KITLG: variants seen among roughly 807,000 people sequenced by gnomAD.
The protein encoded by KITLG is c-Kit ligand.
A neutral mutation model predicts 34.1 loss-of-function variants in KITLG; 13 were observed. The observed-to-expected ratio is 0.38, with a 90% CI of 0.25 to 0.61. The LOEUF is 0.61. Among genes scored for constraint, KITLG ranks in the 20% least tolerant of loss-of-function variants. KITLG has a pLI of 0.60. For synonymous variants in KITLG, 110 were observed against 104.0 expected (o/e 1.06, Z -0.35); for missense variants, 292 against 318.9 (o/e 0.92, Z 0.64).
In KITLG at chr12:88,515,570, C is replaced by A; in HGVS notation, c.568G>T (p.Ala190Ser). Residue 190 changes from alanine (A) to serine (S), a missense_variant, in exon 6 of 10, where the codon GCC becomes TCC. By Grantham distance (99) the Ala-to-Ser change is moderately conservative. Around this residue, in one of 2 missense-constraint regions of KITLG, gnomAD observed 140 missense variants for 111.0 expected, o/e 1.26. Coordinates refer to ENST00000644744, the MANE Select transcript of KITLG (RefSeq NM_000899.5). The stretch of plus-strand genomic sequence containing the variant: ...CTGCTGTCATTCCTAAGGGAGCTGG[C>A]TGCAACAGGGGGTAACATAAATGGT... ...TKPFMLPPVA[A>S]SSLRNDSSSS... 6.2e-7 allele frequency: 1 copy of A among 1,611,112 alleles called. No homozygotes were observed. The highest frequency in any genetic ancestry group is 1.1e-5 in the South Asian group (1 of 91,038).
chr12:88,499,569 T>C (rs1320091018), intron 9 of KITLG, among the ~76,000 whole-genome samples: 1 of 152,196 alleles, frequency 6.6e-6, no homozygotes, highest in Non-Finnish European at 1.5e-5. Context: ...AATCATTCTT[T>C]CCAGGCCTGA....
Position 88,497,004 on chromosome 12 carries a change from T to A in KITLG, c.*215A>T, listed in dbSNP as rs1165958904. 3 of 298,586 alleles carry A rather than the reference T, an allele frequency of 1.0e-5. No homozygotes were observed. The highest frequency in any genetic ancestry group is 2.0e-5 in the Non-Finnish European group (3 of 149,084). 18.5% of individuals were successfully genotyped at this position (298,586 alleles called of 1,614,324 possible). On this transcript the variant is annotated 3_prime_UTR_variant, in exon 10 of 10. Transcript: ENST00000644744. ...AGTCCTGCTCCATGCAAGTTCTTCTTTATAGATGATTAATTCAGTGCCAGT... is the reference window on the plus strand; with the variant it reads ...AGTCCTGCTCCATGCAAGTTCTTCTATATAGATGATTAATTCAGTGCCAGT...
At chr12:88,538,310 T>A (rs1870402485) in intron 2 of KITLG, among the ~76,000 whole-genome samples, 1 of 151,918 alleles carries the variant, frequency 6.6e-6, no homozygotes, top group Non-Finnish European at 1.5e-5. Context: ...TGGTAGGTAG[T>A]AAGGTACAGT....
chr12:88,506,436 A>G, intron 7 of KITLG, 58 bp from the exon 8 acceptor site: 1 of 1,237,274 alleles, frequency 8.1e-7, no homozygotes, highest in Non-Finnish European at 1.2e-6. Flanking sequence ...CTAATATTTA[A>G]GAGGTAAGTG....
intron 1 of KITLG, among the ~76,000 whole-genome samples, chr12:88,573,674 G>A (rs770701061): frequency 1.2e-4 from 18 of 152,062 alleles, no homozygotes; most frequent in Non-Finnish European, 1.9e-4. Flanking sequence ...ACACAGTATG[G>A]GCATACAAGA....
intron 3 of KITLG, among the ~76,000 whole-genome samples, chr12:88,521,477 T>C (rs1825834179): frequency 6.6e-6 from 1 of 152,130 alleles, no homozygotes; most frequent in African/African-American, 2.4e-5. Context: ...GTACTTTTTG[T>C]TTGCCTTAAT....
At chr12:88,573,585 C>T (rs1210352861) in intron 1 of KITLG, among the ~76,000 whole-genome samples, 1 of 152,060 alleles carries the variant, frequency 6.6e-6, no homozygotes, top group African/African-American at 2.4e-5. Context: ...GATTTTATGT[C>T]AAGGTGAAAA....
chr12:88,541,691 T>G (rs1870524918), intron 2 of KITLG, among the ~76,000 whole-genome samples: 1 of 152,224 alleles, frequency 6.6e-6, no homozygotes. Flanking sequence ...TTGCAACATT[T>G]TTTTAGAAAC....
chr12:88,504,628 G>C (rs1868981753), intron 9 of KITLG, among the ~76,000 whole-genome samples: 1 of 152,156 alleles, frequency 6.6e-6, no homozygotes, highest in Non-Finnish European at 1.5e-5. Flanking sequence ...GTGCTGCAGA[G>C]GATGTGGAGA....
At chr12:88,554,880 GA>G (rs1871046962) in intron 1 of KITLG, among the ~76,000 whole-genome samples, 1 of 152,104 alleles carries the variant, frequency 6.6e-6, no homozygotes, top group Non-Finnish European at 1.5e-5. Context: ...GTTAGTTTTT[GA>G]AACTTAACTA....
At chr12:88,527,499 C>T (rs1869917822) in intron 3 of KITLG, among the ~76,000 whole-genome samples, 1 of 152,178 alleles carries the variant, frequency 6.6e-6, no homozygotes, top group Non-Finnish European at 1.5e-5. Context: ...CACATGCTGC[C>T]AATCACTTCC....
chr12:88,497,837 T>G (rs538088377), intron 9 of KITLG, among the ~76,000 whole-genome samples: 1 of 152,110 alleles, frequency 6.6e-6, no homozygotes, highest in African/African-American at 2.4e-5. Flanking sequence ...TCTAGTTAGG[T>G]TCTAGCAATC....
intron 9 of KITLG, among the ~76,000 whole-genome samples, chr12:88,499,648 T>G (rs1181443806): frequency 6.6e-6 from 1 of 152,184 alleles, no homozygotes; most frequent in Non-Finnish European, 1.5e-5. Context: ...ACCAACAGCT[T>G]CTTCTCCTGA....
intron 1 of KITLG, among the ~76,000 whole-genome samples, chr12:88,571,364 A>C (rs1164785371): frequency 6.6e-6 from 1 of 152,158 alleles, no homozygotes; most frequent in Non-Finnish European, 1.5e-5. Flanking sequence ...CAAAGAGAAA[A>C]ACTTACTGGG....
intron 1 of KITLG, among the ~76,000 whole-genome samples, chr12:88,558,330 C>T (rs1871170438): frequency 6.6e-6 from 1 of 152,114 alleles, no homozygotes; most frequent in Admixed American, 6.5e-5. Flanking sequence ...CACGACCCGC[C>T]ACCCACCAAC....
At chr12:88,553,264 T>C (rs1870982073) in intron 1 of KITLG, among the ~76,000 whole-genome samples, 1 of 152,208 alleles carries the variant, frequency 6.6e-6, no homozygotes, top group South Asian at 2.1e-4. Flanking sequence ...ATATTTATCT[T>C]TGTTTTCTCT....
intron 3 of KITLG, among the ~76,000 whole-genome samples, chr12:88,528,950 G>C (rs1869978920): frequency 6.6e-6 from 1 of 152,210 alleles, no homozygotes; most frequent in South Asian, 2.1e-4. Context: ...AGCAAAATAG[G>C]TGGCACAGTT....
At chr12:88,558,590 C>T (rs1385232223) in intron 1 of KITLG, among the ~76,000 whole-genome samples, 2 of 152,174 alleles carry the variant, frequency 1.3e-5, no homozygotes, top group African/African-American at 2.4e-5. Context: ...TTAAAATGTT[C>T]CTTCTTTCAC....
intron 1 of KITLG, among the ~76,000 whole-genome samples, chr12:88,575,873 A>C (rs1298269855): frequency 6.6e-6 from 1 of 152,168 alleles, no homozygotes; most frequent in Admixed American, 6.5e-5. Context: ...GGGAACATTA[A>C]GATAATCCAG....
Sources: gnomAD v4.1 joint callset for allele counts (sites outside exome capture counted in the v4.1 genomes callset) on GRCh38, gnomAD v4.1.1 for gene constraint, gnomAD v4.1.1 regional missense constraint, MANE v1.5 for transcripts, NCBI Gene and HGNC (gene_info 2026-07-23, HGNC 2026-07-21) for gene names.